Variants in NCOA6 observed in about 807,000 individuals in gnomAD.
The protein encoded by NCOA6 is nuclear receptor coactivator 6.
In NCOA6, 49 loss-of-function variants were observed where a neutral mutation model predicts 171.4. The ratio of observed to expected loss-of-function variants is 0.29; its 90% CI spans 0.23 to 0.36. The LOEUF (loss-of-function observed/expected upper bound fraction) is 0.36, where lower values mean the gene tolerates loss of function less well. NCOA6 is among the 10% of genes least tolerant of loss of function. The pLI, the probability that NCOA6 is intolerant of heterozygous loss-of-function variation, is 1.00. For synonymous variants in NCOA6, 910 were observed against 927.5 expected, an observed-to-expected ratio of 0.98 and a Z score of 0.34; for missense variants, 2,248 against 2,554.5, an observed-to-expected ratio of 0.88 and a Z score of 2.59.
chr20:34,727,223 T>A, intron 14 of NCOA6, 36 bp downstream of exon 14: 1 of 1,607,270 alleles, frequency 6.2e-7, no homozygotes, highest in Non-Finnish European at 8.5e-7. Flanking sequence ...ATTCCTCTAT[T>A]TGACCCACAA....
At chr20:34,812,683 G>A (rs1389795417) in intron 1 of NCOA6, among the ~76,000 whole-genome samples, 1 of 151,742 alleles carries the variant, frequency 6.6e-6, no homozygotes, top group Non-Finnish European at 1.5e-5. Context: ...GCAACAAAGA[G>A]AAAAAAAATT....
At chr20:34,805,890 A>G (rs2078433275) in intron 1 of NCOA6, among the ~76,000 whole-genome samples, 1 of 152,022 alleles carries the variant, frequency 6.6e-6, no homozygotes, top group Non-Finnish European at 1.5e-5. Context: ...GTTTCACCAT[A>G]GTAGCCTGGC....
intron 6 of NCOA6, 34 bp downstream of exon 6, chr20:34,758,771 A>G: frequency 6.2e-7 from 1 of 1,607,056 alleles, no homozygotes; most frequent in Non-Finnish European, 8.5e-7. Flanking sequence ...AGAAAGTTTC[A>G]GACTCTTCAT....
At chr20:34,818,027 T>C (rs1190972801) in intron 1 of NCOA6, among the ~76,000 whole-genome samples, 1 of 152,262 alleles carries the variant, frequency 6.6e-6, no homozygotes. Flanking sequence ...GAAATTAGAC[T>C]ACCTGGACTC....
Position 34,757,607 on chromosome 20 carries a change from G to T in NCOA6, c.1141C>A (p.Gln381Lys). ...HPPPPYPFGS[Q>K]QASQAHTNFP... ...TTTGTGTGGGCTTGTGAGGCTTGCT[G>T]GCTGCCAAAGGGATATGGAGGGGGA... is the stretch of plus-strand genomic sequence containing the variant. Residue 381 changes from glutamine (Q) to lysine (K), a missense_variant, in exon 7 of 15, where the codon CAG becomes AAG. By Grantham distance (53) the Gln-to-Lys change is moderately conservative. Transcript: ENST00000359003. 2.5e-6 allele frequency: 4 copies of T among 1,613,954 alleles called. No homozygotes were observed. The highest frequency in any genetic ancestry group is 3.4e-6 in the Non-Finnish European group (4 of 1,179,914).
chr20:34,774,305 C>T (rs1397490778), intron 4 of NCOA6, among the ~76,000 whole-genome samples: 3 of 152,202 alleles, frequency 2.0e-5, no homozygotes, highest in African/African-American at 7.2e-5. Flanking sequence ...TCGACTTCCA[C>T]TTTTCCTAAT....
intron 11 of NCOA6, 82 bp downstream of exon 11, chr20:34,740,281 A>G (rs1364301089): frequency 2.7e-6 from 4 of 1,496,440 alleles, no homozygotes; most frequent in Non-Finnish European, 3.6e-6. Flanking sequence ...TCCTCCAAGT[A>G]AAAAAGGAGT....
rs759936275 is a variant in NCOA6 at position 34,740,960 on chromosome 20, A to G, written c.5296T>C (p.Leu1766=). Residue 1766 remains leucine, a synonymous_variant, in exon 11 of 15, where the codon TTG becomes CTG. Coordinates refer to ENST00000359003, the MANE Select transcript of NCOA6 (RefSeq NM_014071.5). ...TGAGGGCTAGCCTCATCTGGATTCAATTCTTTCACTTGCTGCACAGGGGGA... is the reference window on the plus strand; with the variant it reads ...TGAGGGCTAGCCTCATCTGGATTCAGTTCTTTCACTTGCTGCACAGGGGGA... ...SHPPVQQVKE[L]NPDEASPQVN... The G allele has an allele frequency of 6.2e-7, 1 of 1,614,188 alleles. No homozygotes were observed. Among genetic ancestry groups the G allele is most frequent in the Admixed American group, 1.7e-5 (1 of 60,014 alleles).
rs200420998 is a variant in NCOA6 at position 34,808,974 on chromosome 20, G to GA, written c.-163-16412dup. Among the ~76,000 whole-genome samples the GA allele has an allele frequency of 1.8e-4, 28 of 152,342 alleles. No homozygotes were observed. In the East Asian group the frequency reaches 5.2e-3, roughly 28 times the overall value. ...ATGACAGAGAGAGAGGCAGCTGAAT[G>GA]AAACTAACTATATACACCTGCCCTT... On this transcript the variant is annotated intron_variant, in intron 1 of 14. Coordinates refer to ENST00000359003, the MANE Select transcript of NCOA6 (RefSeq NM_014071.5).
chr20:34,751,369 T>G (rs1600852584), intron 8 of NCOA6, among the ~76,000 whole-genome samples: 2 of 28,358 alleles, frequency 7.1e-5, no homozygotes, highest in Admixed American at 7.6e-4. Flanking sequence ...AGAGCAAGAC[T>G]CCGTCTCAAA....
intron 13 of NCOA6, among the ~76,000 whole-genome samples, chr20:34,732,146 T>C (rs1600764647): frequency 1.3e-5 from 2 of 152,222 alleles, no homozygotes; most frequent in African/African-American, 2.4e-5. Flanking sequence ...GAAAAAAGCA[T>C]AGGTTTTGGG....
intron 1 of NCOA6, among the ~76,000 whole-genome samples, chr20:34,813,084 G>A (rs1272799076): frequency 3.3e-5 from 5 of 149,552 alleles, no homozygotes; most frequent in East Asian, 4.0e-4. Flanking sequence ...GCTTGAACCC[G>A]GGAGGAGGAG....
chr20:34,815,400 TAA>T (rs967247082), intron 1 of NCOA6, among the ~76,000 whole-genome samples: 2 of 151,724 alleles, frequency 1.3e-5, no homozygotes, highest in African/African-American at 4.8e-5. Context: ...AATTTAAAAA[TAA>T]AAAGACACAG....
chr20:34,736,549 A>C, intron 12 of NCOA6, 141 bp downstream of exon 12: 1 of 625,938 alleles, frequency 1.6e-6, no homozygotes, highest in Non-Finnish European at 2.6e-6. Context: ...TTTGTCACTC[A>C]ACCAAAGTCT....
chr20:34,797,155 AGTAAT>A, intron 1 of NCOA6, among the ~76,000 whole-genome samples: 1 of 152,104 alleles, frequency 6.6e-6, no homozygotes, highest in Non-Finnish European at 1.5e-5. Context: ...ATGGCCAAGG[AGTAAT>A]TGTGCCACCT....
intron 5 of NCOA6, among the ~76,000 whole-genome samples, chr20:34,760,285 A>G (rs1429041879): frequency 6.6e-6 from 1 of 152,204 alleles, no homozygotes; most frequent in Non-Finnish European, 1.5e-5. Context: ...TTCAAGAAAA[A>G]AAAGTGACAA....
In NCOA6 at chr20:34,714,880, CTACA is replaced by C; in HGVS notation, c.*438_*441del. On this transcript the variant is annotated 3_prime_UTR_variant, in exon 15 of 15. Coordinates refer to ENST00000359003, the MANE Select transcript of NCOA6 (RefSeq NM_014071.5). ...ATTCTCTTTATTCACTGGTCCATTT[CTACA>C]ACAAATACATCCAAAACACTATATA... 6.4e-6 allele frequency: 1 copy of C among 157,470 alleles called. No homozygotes were observed. Among genetic ancestry groups the C allele is most frequent in the Non-Finnish European group, 1.4e-5 (1 of 70,900 alleles). 9.8% of individuals were successfully genotyped at this position (157,470 alleles called of 1,614,324 possible). A position where few individuals can be genotyped will look rare whatever the true frequency, so the allele number is the denominator to read the frequency against.
chr20:34,795,964 C>A (rs1434696248), intron 1 of NCOA6, among the ~76,000 whole-genome samples: 1 of 139,442 alleles, frequency 7.2e-6, no homozygotes, highest in Non-Finnish European at 1.6e-5. Flanking sequence ...ACTACATGGT[C>A]TTCATGGTAT....
Position 34,750,150 on chromosome 20 carries a change from T to C in NCOA6, c.2045A>G (p.Gln682Arg). 1 of 1,613,854 alleles carries C rather than the reference T, an allele frequency of 6.2e-7. No individual in the cohort carries two copies. Among genetic ancestry groups the C allele is most frequent in the South Asian group, 1.1e-5 (1 of 91,070 alleles). ...PSPQRMTPPK[Q>R]MLSQQGPQMM... ...TTGTGGGCCCTGCTGGGAAAGCATC[T>C]GCTTGGGTGGGGTCATCCTTTGGGG... is the stretch of plus-strand genomic sequence containing the variant. The change falls in exon 9 of 15, where the codon CAG becomes CGG. Residue 682 changes from glutamine (Q) to arginine (R), a missense_variant. Coordinates refer to ENST00000359003, the MANE Select transcript of NCOA6 (RefSeq NM_014071.5).
Sources: allele counts gnomAD v4.1 joint callset (sites outside exome capture counted in the v4.1 genomes callset), GRCh38; gene constraint gnomAD v4.1.1; transcripts MANE v1.5; gene names NCBI Gene and HGNC (gene_info 2026-07-23, HGNC 2026-07-21).